AP5M1: variants seen among roughly 807,000 people sequenced by gnomAD.
AP5M1 encodes AP-5 complex subunit mu-1.
Under a neutral mutation model 52.3 loss-of-function variants are expected in AP5M1, and 44 were observed. That is an observed-to-expected ratio of 0.84 (90% CI 0.66 to 1.08). AP5M1 has a LOEUF of 1.08. Among genes scored for constraint, AP5M1 ranks in the 50% least tolerant of loss-of-function variants. AP5M1 has a pLI of 0.00. For synonymous variants in AP5M1, 213 were observed against 199.0 expected (o/e 1.07, Z -0.59); for missense variants, 526 against 568.4 (o/e 0.93, Z 0.76).
rs1360046559 is a variant in AP5M1, at chr14:57,274,885, G to A, written c.716G>A (p.Cys239Tyr). Residue 239 changes from cysteine (C) to tyrosine (Y), a missense_variant, in exon 2 of 8, where the codon TGC (cysteine) becomes TAC (tyrosine). Physicochemically the swap from Cys to Tyr is radical, Grantham distance 194. Transcript: ENST00000261558. ...TGGCAAGTTGTTGGAACAGTGACTT[G>A]CAAGGTGAGATTTTTCTCTGGTACT... Reference protein sequence around the residue: ...DTWQVVGTVTCKCDLEGIMPN... With the variant: ...DTWQVVGTVTYKCDLEGIMPN... The A allele has an allele frequency of 6.2e-7, 1 of 1,614,110 alleles. No homozygotes were observed.
rs1273500367 is a variant in AP5M1 at position 57,296,581 on chromosome 14, T to C, written c.*7697T>C. Reference sequence around the variant, plus strand: ...TAATCAGTAGAAGTGGTTAGTAATATTTGTAGCTTGTTAACCAACTGGAGC... The same window carrying C: ...TAATCAGTAGAAGTGGTTAGTAATACTTGTAGCTTGTTAACCAACTGGAGC... On this transcript the variant is annotated 3_prime_UTR_variant, in exon 8 of 8. Coordinates refer to ENST00000261558, the MANE Select transcript of AP5M1 (RefSeq NM_018229.4). 1 of 152,136 alleles carries C rather than the reference T, an allele frequency of 6.6e-6. No individual in the cohort carries two copies. Among genetic ancestry groups the C allele is most frequent in the Non-Finnish European group, 1.5e-5 (1 of 67,992 alleles). The allele number at this position is 152,136 out of a possible 1,614,324, so 9.4% of individuals were successfully genotyped here.
At chr14:57,280,109 G>GA (rs1301581948) in intron 2 of AP5M1, 86 bp from the exon 3 acceptor site, 199 of 956,312 alleles carry the variant, frequency 2.1e-4, no homozygotes, top group Non-Finnish European at 2.6e-4. Flanking sequence ...GTTAATTGGG[G>GA]AAAATGACTT....
rs1323169540 is a variant in AP5M1 at position 57,290,141 on chromosome 14, C to T, written c.*1257C>T. On this transcript the variant is annotated 3_prime_UTR_variant, in exon 8 of 8. Coordinates refer to ENST00000261558, the MANE Select transcript of AP5M1 (RefSeq NM_018229.4). ...AAGCTTAGAAAAGCTGCTAACTCCTCAGAAGAAAGCATGATAGTTTAAAGG... is the reference window on the plus strand; with the variant it reads ...AAGCTTAGAAAAGCTGCTAACTCCTTAGAAGAAAGCATGATAGTTTAAAGG... 2 of 151,852 alleles carry T rather than the reference C, an allele frequency of 1.3e-5. No individual in the cohort carries two copies. The highest frequency in any genetic ancestry group is 4.8e-5 in the African/African-American group (2 of 41,364). The allele number at this position is 151,852 out of a possible 1,614,324, so 9.4% of individuals were successfully genotyped here.
In AP5M1 at chr14:57,280,210, A is replaced by G; in HGVS notation, c.736A>G (p.Ile246Val). The change falls in exon 3 of 8, where the codon ATC (isoleucine) becomes GTC (valine). Residue 246 changes from isoleucine (I) to valine (V), a missense_variant. Transcript: ENST00000261558. ...TGCATTTCAGTGTGATTTGGAAGGAATCATGCCAAATGTTACCATCAGCTT... is the reference window on the plus strand; with the variant it reads ...TGCATTTCAGTGTGATTTGGAAGGAGTCATGCCAAATGTTACCATCAGCTT... ...TVTCKCDLEG[I>V]MPNVTISLSL... 6.2e-7 allele frequency: 1 copy of G among 1,612,354 alleles called. No homozygotes were observed. Among genetic ancestry groups the G allele is most frequent in the Non-Finnish European group, 8.5e-7 (1 of 1,178,386 alleles).
Position 57,293,129 on chromosome 14 carries a change from A to G in AP5M1, c.*4245A>G, listed in dbSNP as rs543987738. ...TTTGAGAAAGAAAAGGTAATGTTTC[A>G]TGGTAGGTTTCTCAATTTGCTGTTT... On this transcript the variant is annotated 3_prime_UTR_variant, in exon 8 of 8. Coordinates refer to ENST00000261558, the MANE Select transcript of AP5M1 (RefSeq NM_018229.4). 3 of 151,784 alleles carry G rather than the reference A, an allele frequency of 2.0e-5. No individual in the cohort carries two copies. Among genetic ancestry groups the G allele is most frequent in the Non-Finnish European group, 3.0e-5 (2 of 67,730 alleles). The allele number at this position is 151,784 out of a possible 1,614,324, so 9.4% of individuals were successfully genotyped here. A position where few individuals can be genotyped will look rare whatever the true frequency, so the allele number is the denominator to read the frequency against.
rs1884959758 is a variant in AP5M1 at position 57,274,162 on chromosome 14, T to C, written c.75-82T>C. 20 of 1,421,524 alleles carry C rather than the reference T, an allele frequency of 1.4e-5. 1 individual carries two copies. Among genetic ancestry groups the C allele is most frequent in the Non-Finnish European group, 1.9e-5 (20 of 1,057,574 alleles). The allele number at this position is 1,421,524 out of a possible 1,614,324, so 88.1% of individuals were successfully genotyped here. On this transcript the variant is annotated intron_variant, in intron 1 of 7. Coordinates refer to ENST00000261558, the MANE Select transcript of AP5M1 (RefSeq NM_018229.4). The stretch of plus-strand genomic sequence containing the variant: ...TTTATTGTTATTACTGTTTGCCTTA[T>C]ATTTGAGAGTTTTAAAAAAATTCTT...
intron 4 of AP5M1, among the ~76,000 whole-genome samples, 184 bp downstream of exon 4, chr14:57,282,412 T>C (rs1371954363): frequency 6.6e-6 from 1 of 152,206 alleles, no homozygotes; most frequent in Non-Finnish European, 1.5e-5. Flanking sequence ...AATATGCCTT[T>C]ATCTTTCTAG....
rs1470645600 is a variant in AP5M1 at position 57,296,908 on chromosome 14, G to A, written c.*8024G>A. 6.6e-6 allele frequency: 1 copy of A among 151,982 alleles called. No individual in the cohort carries two copies. The highest frequency in any genetic ancestry group is 2.4e-5 in the African/African-American group (1 of 41,402). 9.4% of individuals were successfully genotyped at this position (151,982 alleles called of 1,614,324 possible). On this transcript the variant is annotated 3_prime_UTR_variant, in exon 8 of 8. Transcript: ENST00000261558. ...ATATTCTACCTCCTGCAGTGTATTA[G>A]CATTGTAGCGTAGGAGACTATTTCT...
At chr14:57,273,264 T>A (rs944744774) in intron 1 of AP5M1, among the ~76,000 whole-genome samples, 1 of 152,242 alleles carries the variant, frequency 6.6e-6, no homozygotes. Flanking sequence ...TTCTTACTTA[T>A]ATTTTTTTAA....
chr14:57,286,375 T>C, intron 7 of AP5M1, 56 bp downstream of exon 7: 1 of 1,082,710 alleles, frequency 9.2e-7, no homozygotes. Flanking sequence ...TTTGCAGTTA[T>C]TACCTAAGGT....
intron 4 of AP5M1, among the ~76,000 whole-genome samples, chr14:57,282,693 C>T (rs970756734): frequency 1.3e-5 from 2 of 152,208 alleles, no homozygotes; most frequent in East Asian, 1.9e-4. Context: ...TAATACATTT[C>T]GTATGATTTC....
At chr14:57,273,643 A>G (rs1306463583) in intron 1 of AP5M1, 5 of 677,820 alleles carry the variant, frequency 7.4e-6, no homozygotes, top group East Asian at 5.4e-5. Context: ...TTTATTATCT[A>G]AAAGTATCTT....
At chr14:57,286,415 T>C (rs1885310458) in intron 7 of AP5M1, 96 bp downstream of exon 7, 1 of 801,074 alleles carries the variant, frequency 1.2e-6, no homozygotes, top group South Asian at 1.6e-5. Flanking sequence ...ACTTAGAGAT[T>C]AGAGAATAAT....
chr14:57,297,475 G>A lies in AP5M1; in HGVS notation c.*8591G>A, dbSNP rs1885576295. On this transcript the variant is annotated 3_prime_UTR_variant, in exon 8 of 8. Transcript: ENST00000261558. The stretch of plus-strand genomic sequence containing the variant: ...TCTTAGATTTACCAACTATCCTAAT[G>A]TGTAGTCAATTGATAAACTAAATTT... The A allele has an allele frequency of 6.6e-6, 1 of 152,116 alleles. No homozygotes were observed. Among genetic ancestry groups the A allele is most frequent in the African/African-American group, 2.4e-5 (1 of 41,424 alleles). 9.4% of individuals were successfully genotyped at this position (152,116 alleles called of 1,614,324 possible). A position where few individuals can be genotyped will look rare whatever the true frequency, so the allele number is the denominator to read the frequency against.
Position 57,276,607 on chromosome 14 carries a change from C to CT in AP5M1, c.720+1719dup, listed in dbSNP as rs1370388965. 2.6e-4 allele frequency among the ~76,000 whole-genome samples: 34 copies of CT among 129,538 alleles called. 1 individual carries two copies. The East Asian group carries it at 6.5e-3, about 25-fold the overall frequency. The allele number at this position is 129,538 out of a possible 152,430, so 85.0% of individuals were successfully genotyped here. A position where few individuals can be genotyped will look rare whatever the true frequency, so the allele number is the denominator to read the frequency against. On this transcript the variant is annotated intron_variant, in intron 2 of 7. Coordinates refer to ENST00000261558, the MANE Select transcript of AP5M1 (RefSeq NM_018229.4). ...AAGAAAATAGGAAAATTCACCAATTCTGTTTTTTTTTTTTTTTTCATTCTG... is the reference window on the plus strand; with the variant it reads ...AAGAAAATAGGAAAATTCACCAATTCTTGTTTTTTTTTTTTTTTTCATTCTG...
chr14:57,274,106 G>T, intron 1 of AP5M1, 138 bp from the exon 2 acceptor site: 1 of 906,142 alleles, frequency 1.1e-6, no homozygotes, highest in South Asian at 2.0e-5. Flanking sequence ...TGGCTTTTGT[G>T]GATGTGTGTA....
rs1206616274 is a variant in AP5M1 at position 57,292,417 on chromosome 14, C to T, written c.*3533C>T. Reference sequence around the variant, plus strand: ...CACTACCAGGGTGTGCGTTTATTCTCTATAACCTTTTAAAGCAAGGGCCAA... The same window carrying T: ...CACTACCAGGGTGTGCGTTTATTCTTTATAACCTTTTAAAGCAAGGGCCAA... On this transcript the variant is annotated 3_prime_UTR_variant, in exon 8 of 8. Transcript: ENST00000261558. The T allele has an allele frequency of 6.6e-6, 1 of 151,744 alleles. No homozygotes were observed. The highest frequency in any genetic ancestry group is 1.5e-5 in the Non-Finnish European group (1 of 67,808). The allele number at this position is 151,744 out of a possible 1,614,324, so 9.4% of individuals were successfully genotyped here.
At chr14:57,284,969 G>A (rs956050690) in intron 6 of AP5M1, among the ~76,000 whole-genome samples, 2 of 151,882 alleles carry the variant, frequency 1.3e-5, no homozygotes, top group Non-Finnish European at 2.9e-5. Flanking sequence ...GCTGTATACA[G>A]GATTTAGGAA....
chr14:57,273,872 GA>G (rs1195879031), intron 1 of AP5M1: 11 of 600,714 alleles, frequency 1.8e-5, no homozygotes, highest in Admixed American at 2.9e-5. Context: ...AGAATCAGAA[GA>G]AAAAAAATTC....
Sources: allele counts gnomAD v4.1 joint callset (sites outside exome capture counted in the v4.1 genomes callset), GRCh38; gene constraint gnomAD v4.1.1; transcripts MANE v1.5; gene names NCBI Gene and HGNC (gene_info 2026-07-23, HGNC 2026-07-21).